NFIA: variants seen among roughly 807,000 people sequenced by gnomAD.
NFIA encodes nuclear factor 1 A-type.
Under a neutral mutation model 62.8 loss-of-function variants are expected in NFIA, and 8 were observed. The observed-to-expected ratio is 0.13, with a 90% CI of 0.07 to 0.23. The LOEUF (loss-of-function observed/expected upper bound fraction) is 0.23. NFIA is among the 10% of genes least tolerant of loss of function. The pLI, the probability that NFIA is intolerant of heterozygous loss-of-function variation, is 1.00. For missense variants in NFIA, 410 were observed against 642.1 expected (o/e 0.64, Z 3.91); for synonymous variants, 235 against 238.1 (o/e 0.99, Z 0.12).
rs1295443482 is a variant in NFIA at position 61,456,060 on chromosome 1, A to AT, written c.*746dup. The AT allele has an allele frequency of 2.0e-5, 3 of 152,540 alleles. No individual in the cohort carries two copies. The highest frequency in any genetic ancestry group is 4.4e-5 in the Non-Finnish European group (3 of 68,024). 9.4% of individuals were successfully genotyped at this position (152,540 alleles called of 1,614,324 possible). On this transcript the variant is annotated 3_prime_UTR_variant, in exon 11 of 11. Transcript: ENST00000403491. The stretch of plus-strand genomic sequence containing the variant: ...TTACATTTAAAAAAACAACAACAAC[A>AT]TTTTTTCAACAATTTCAACAATGAC...
intron 2 of NFIA, among the ~76,000 whole-genome samples, chr1:61,233,526 G>C (rs1193794448): frequency 3.3e-5 from 5 of 152,200 alleles, no homozygotes; most frequent in Admixed American, 3.3e-4. Flanking sequence ...GAAGTCAGAA[G>C]AGTCTCGTCA....
intron 2 of NFIA, among the ~76,000 whole-genome samples, chr1:61,214,676 T>G (rs1280195928): frequency 6.6e-6 from 1 of 152,180 alleles, no homozygotes; most frequent in Non-Finnish European, 1.5e-5. Flanking sequence ...AAGACCTCTG[T>G]CCCCAGTCCC....
At chr1:61,297,823 C>T (rs1231428471) in intron 3 of NFIA, among the ~76,000 whole-genome samples, 1 of 152,038 alleles carries the variant, frequency 6.6e-6, no homozygotes, top group African/African-American at 2.4e-5. Flanking sequence ...ACTTTAGGGA[C>T]AGGAAGCGGA....
chr1:61,081,826 G>T, upstream of NFIA: 1 of 1,497,046 alleles, frequency 6.7e-7, no homozygotes, highest in South Asian at 1.2e-5. Context: ...CTCTGCCGAC[G>T]AATCTATTCC....
intron 4 of NFIA, among the ~76,000 whole-genome samples, chr1:61,337,907 C>A (rs1315917378): frequency 6.6e-6 from 1 of 152,182 alleles, no homozygotes; most frequent in African/African-American, 2.4e-5. Context: ...CCTGAAAAAT[C>A]CACTACTTCT....
chr1:61,123,486 G>A (rs1185722612), intron 2 of NFIA, among the ~76,000 whole-genome samples: 1 of 152,168 alleles, frequency 6.6e-6, no homozygotes, highest in Non-Finnish European at 1.5e-5. Context: ...TAAAACAAAA[G>A]TGTTACTGTT....
intron 4 of NFIA, among the ~76,000 whole-genome samples, chr1:61,345,297 T>C (rs1170441823): frequency 3.3e-5 from 5 of 152,208 alleles, no homozygotes; most frequent in East Asian, 3.8e-4. Context: ...GTTTAAAGTT[T>C]AGAGGGGGCA....
chr1:61,230,105 G>C (rs1033457743), intron 2 of NFIA, among the ~76,000 whole-genome samples: 1 of 152,062 alleles, frequency 6.6e-6, no homozygotes, highest in Non-Finnish European at 1.5e-5. Flanking sequence ...TAGACAAAAG[G>C]TTTAATTAAA....
intron 4 of NFIA, among the ~76,000 whole-genome samples, chr1:61,341,938 A>G (rs2100411720): frequency 6.6e-6 from 1 of 152,280 alleles, no homozygotes; most frequent in Middle Eastern, 3.4e-3. Context: ...TAGGGCCACA[A>G]ATATTATTGA....
In NFIA at chr1:61,395,021, C is replaced by T. The variant is rs570493436; in HGVS notation, c.1076-9083C>T. On this transcript the variant is annotated intron_variant, in intron 7 of 10. Transcript: ENST00000403491. ...ACTTGGGAGGCTGAGGTGGGAGGAT[C>T]GCTTGAGCCTGGGAAGCAGAGGTTG... 1.8e-3 allele frequency among the ~76,000 whole-genome samples: 271 copies of T among 152,182 alleles called. 1 individual carries two copies. The highest frequency in any genetic ancestry group is 3.1e-3 in the Non-Finnish European group (208 of 68,006).
At chr1:61,393,461 A>G (rs1665114901) in intron 7 of NFIA, among the ~76,000 whole-genome samples, 1 of 150,936 alleles carries the variant, frequency 6.6e-6, no homozygotes, top group African/African-American at 2.4e-5. Flanking sequence ...AATAATCCCA[A>G]GAGAAAAAAG....
intron 2 of NFIA, among the ~76,000 whole-genome samples, chr1:61,200,620 T>G (rs2100589033): frequency 6.6e-6 from 1 of 152,248 alleles, no homozygotes; most frequent in Middle Eastern, 3.4e-3. Flanking sequence ...CTTAAAAAGG[T>G]ACCAGTCATG....
chr1:61,254,921 T>G (rs1170083004), intron 2 of NFIA, among the ~76,000 whole-genome samples: 1 of 152,192 alleles, frequency 6.6e-6, no homozygotes, highest in Non-Finnish European at 1.5e-5. Flanking sequence ...GGGGGCTTAT[T>G]ATGTCAACAA....
At chr1:61,420,961 G>T (rs1249047148) in intron 9 of NFIA, among the ~76,000 whole-genome samples, 1 of 152,018 alleles carries the variant, frequency 6.6e-6, no homozygotes, top group Non-Finnish European at 1.5e-5. Context: ...AACGTAATTT[G>T]CAATTTCTCT....
intron 6 of NFIA, among the ~76,000 whole-genome samples, chr1:61,373,088 A>G (rs762529666): frequency 3.9e-5 from 6 of 152,158 alleles, no homozygotes; most frequent in African/African-American, 7.2e-5. Flanking sequence ...AAGTGATAGC[A>G]GCTCAATTCA....
chr1:61,296,753 A>C (rs993182458), intron 3 of NFIA, among the ~76,000 whole-genome samples: 1 of 152,176 alleles, frequency 6.6e-6, no homozygotes, highest in Non-Finnish European at 1.5e-5. Context: ...AGTTCATTTT[A>C]AAAAAGAAAA....
At chr1:61,287,314 C>T (rs951239885) in intron 3 of NFIA, among the ~76,000 whole-genome samples, 7 of 152,286 alleles carry the variant, frequency 4.6e-5, no homozygotes, top group East Asian at 1.9e-4. Context: ...GGTTTTCCCT[C>T]GTGCATATTA....
intron 2 of NFIA, among the ~76,000 whole-genome samples, chr1:61,102,375 C>T (rs568150206): frequency 6.6e-6 from 1 of 152,244 alleles, no homozygotes; most frequent in South Asian, 2.1e-4. Context: ...TCACAATTTA[C>T]TTGATGATTT....
chr1:61,247,801 G>C (rs1338178588), intron 2 of NFIA, among the ~76,000 whole-genome samples: 1 of 152,128 alleles, frequency 6.6e-6, no homozygotes, highest in Non-Finnish European at 1.5e-5. Context: ...CTTGGAAAAA[G>C]GGCATTCATC....
Sources: allele counts gnomAD v4.1 joint callset (sites outside exome capture counted in the v4.1 genomes callset), GRCh38; gene constraint gnomAD v4.1.1; transcripts MANE v1.5; gene names NCBI Gene and HGNC (gene_info 2026-07-23, HGNC 2026-07-21).